The following HSPG2 variants were observed in gnomAD, a reference collection of about 807,000 sequenced individuals.
The protein encoded by HSPG2 is heparan sulfate proteoglycan 2, also known as basement membrane-specific heparan sulfate proteoglycan core protein.
Under a neutral mutation model 526.6 loss-of-function variants are expected in HSPG2, and 278 were observed. The ratio of observed to expected loss-of-function variants is 0.53; its 90% CI spans 0.48 to 0.58. The LOEUF is 0.58. Among genes scored for constraint, HSPG2 ranks in the 20% least tolerant of loss-of-function variants. The pLI is 0.00. For missense variants in HSPG2, 5,354 were observed against 6,099.5 expected, an observed-to-expected ratio of 0.88 and a Z score of 4.07; for synonymous variants, 2,465 against 2,555.4, an observed-to-expected ratio of 0.96 and a Z score of 1.07.
In HSPG2 at chr1:21,870,872, C is replaced by A. The variant is rs544570827; in HGVS notation, c.4221+1314G>T. On this transcript the variant is annotated intron_variant, in intron 33 of 96. Coordinates refer to ENST00000374695, the MANE Select transcript of HSPG2 (RefSeq NM_005529.7). Reference sequence around the variant, plus strand: ...CGCATCCGCGCAAAGTACGCCTCCCCCTGTGGGGCGCAGGGAAATGCCAGG... The same window carrying A: ...CGCATCCGCGCAAAGTACGCCTCCCACTGTGGGGCGCAGGGAAATGCCAGG... 63 of 986,376 alleles carry A rather than the reference C, an allele frequency of 6.4e-5. No homozygotes were observed. In the African/African-American group the frequency reaches 7.1e-4, roughly 11 times the overall value. The allele number at this position is 986,376 out of a possible 1,614,324, so 61.1% of individuals were successfully genotyped here.
In HSPG2 at chr1:21,864,518, AGT is replaced by A. The variant is rs374849420; in HGVS notation, c.4627-307_4627-306del. Among the ~76,000 whole-genome samples, 295 of 152,192 alleles carry A rather than the reference AGT, an allele frequency of 1.9e-3. No individual in the cohort carries two copies. Among genetic ancestry groups the A allele is most frequent in the African/African-American group, 6.7e-3 (279 of 41,520 alleles). On this transcript the variant is annotated intron_variant, in intron 36 of 96. Transcript: ENST00000374695. The surrounding 1 kb of genome is among the most constrained non-coding windows in gnomAD (Gnocchi z 4.8). ...ATGAACTGGGTTTTAACCCCCGGAG[AGT>A]GTGGCCCAAACGTGAGGCTGCACTG...
chr1:21,835,507 G>T, intron 76 of HSPG2, 33 bp downstream of exon 76: 2 of 1,418,530 alleles, frequency 1.4e-6, no homozygotes, highest in Non-Finnish European at 2.0e-6. Context: ...TCTGTTCCCT[G>T]CTCTTAGCAG....
chr1:21,863,648 G>A (rs138984487), intron 37 of HSPG2, among the ~76,000 whole-genome samples: 2,302 of 151,472 alleles, frequency 0.015, 50 homozygotes, highest in African/African-American at 0.052. Context: ...TCGGGAGGCT[G>A]AGGCATGAGA....
rs966911170 is a variant in HSPG2, at chr1:21,838,924, G to T, written c.10051C>A (p.His3351Asn). Residue 3351 changes from histidine (H) to asparagine (N), a missense_variant, in exon 74 of 97, where the codon CAC (histidine) becomes AAC (asparagine). Physicochemically the swap from His to Asn is moderately conservative, Grantham distance 68 (BLOSUM62 1). Coordinates refer to ENST00000374695, the MANE Select transcript of HSPG2 (RefSeq NM_005529.7). ...GRATARNELL[H>N]FERAAPEDSG... ...TCCTCAGGGGCTGCACGCTCAAAGT[G>T]CAGCAGCTCGTTCCTGGCGGTCGCC... 6.2e-7 allele frequency: 1 copy of T among 1,612,028 alleles called. No individual in the cohort carries two copies. The highest frequency in any genetic ancestry group is 1.3e-5 in the African/African-American group (1 of 74,906).
At chr1:21,829,300 C>T (rs1451218206) in intron 87 of HSPG2, 83 bp downstream of exon 87, 1 of 1,477,194 alleles carries the variant, frequency 6.8e-7, no homozygotes, top group African/African-American at 1.4e-5. Flanking sequence ...CATTTATCCT[C>T]CCATGCCTCC....
intron 1 of HSPG2, among the ~76,000 whole-genome samples, chr1:21,902,384 T>C (rs538672454): frequency 6.6e-6 from 1 of 152,032 alleles, no homozygotes; most frequent in Non-Finnish European, 1.5e-5. Flanking sequence ...CCAACACGCA[T>C]CCAGGGCTTC....
intron 1 of HSPG2, among the ~76,000 whole-genome samples, chr1:21,897,957 G>C (rs947837729): frequency 1.3e-5 from 2 of 152,178 alleles, no homozygotes; most frequent in Non-Finnish European, 2.9e-5. Context: ...TCTGGTTCTG[G>C]GCTCACAAGG....
rs1279336916 is a variant in HSPG2 at position 21,890,372 on chromosome 1, C to T, written c.413+55G>A. The T allele has an allele frequency of 3.2e-6, 5 of 1,547,686 alleles. No homozygotes were observed. In the East Asian group the frequency reaches 1.1e-4, roughly 35 times the overall value. On this transcript the variant is annotated intron_variant, in intron 5 of 96. Transcript: ENST00000374695. The surrounding 1 kb of genome is among the most constrained non-coding windows in gnomAD (Gnocchi z 4.1). ...GGCTTCCTTCCCATCCTCATCAGCC[C>T]CCTCCAGGTTACCCGCTCAAGTCCC...
intron 1 of HSPG2, among the ~76,000 whole-genome samples, chr1:21,931,255 C>T (rs1644340198): frequency 1.3e-5 from 2 of 152,270 alleles, no homozygotes; most frequent in African/African-American, 4.8e-5. Flanking sequence ...GCCCTGACGC[C>T]ACCAGGCTGG....
intron 1 of HSPG2, among the ~76,000 whole-genome samples, chr1:21,926,614 G>A (rs1323929461): frequency 6.6e-5 from 10 of 151,922 alleles, no homozygotes; most frequent in East Asian, 1.9e-4. Context: ...TTAGCCAGGC[G>A]TGGTAGTGCA....
intron 6 of HSPG2, 111 bp from the exon 7 acceptor site, chr1:21,888,177 C>T (rs1210475673): frequency 9.0e-6 from 13 of 1,447,778 alleles, no homozygotes; most frequent in African/African-American, 2.8e-5. Flanking sequence ...TCAGGCAGCT[C>T]GGTTTCTGGC....
intron 18 of HSPG2, 26 bp downstream of exon 18, chr1:21,878,968 C>T: frequency 3.7e-6 from 6 of 1,609,560 alleles, no homozygotes; most frequent in Non-Finnish European, 5.1e-6. Context: ...CAGCCAAACC[C>T]CCCCTGACCC....
chr1:21,861,418 C>T (rs185358741), intron 39 of HSPG2, among the ~76,000 whole-genome samples: 1 of 151,392 alleles, frequency 6.6e-6, no homozygotes, highest in African/African-American at 2.4e-5. Flanking sequence ...AGCACTGAGG[C>T]AGGAGGACTG....
In HSPG2 at chr1:21,874,710, G is replaced by C; in HGVS notation, c.3434C>G (p.Thr1145Arg). The change falls in exon 27 of 97, where the codon ACA becomes AGA. Residue 1145 changes from threonine (T) to arginine (R), a missense_variant. By Grantham distance (71) the Thr-to-Arg change is moderately conservative (BLOSUM62 -1). Transcript: ENST00000374695. ...PSCQDCDTGY[T>R]RTPSGLYLGT... ...CAGGTAGAGGCCACTGGGCGTGCGT[G>C]TGTAGCCTGTGTCACAGTCCTGGGG... 6.2e-7 allele frequency: 1 copy of C among 1,605,288 alleles called. No individual in the cohort carries two copies. The highest frequency in any genetic ancestry group is 8.5e-7 in the Non-Finnish European group (1 of 1,175,774).
At chr1:21,935,713 G>C (rs1644471163) in intron 1 of HSPG2, among the ~76,000 whole-genome samples, 1 of 152,240 alleles carries the variant, frequency 6.6e-6, no homozygotes, top group Admixed American at 6.5e-5. Flanking sequence ...GGGAAGGTCA[G>C]GAAAGACTGT....
At chr1:21,845,260 C>CA (rs1022673701) in intron 64 of HSPG2, among the ~76,000 whole-genome samples, 3 of 151,700 alleles carry the variant, frequency 2.0e-5, no homozygotes, top group Admixed American at 1.3e-4. Context: ...CAAAACAAAA[C>CA]AAAAAAAACC....
In HSPG2 at chr1:21,898,475, G is replaced by A. The variant is rs1642901434; in HGVS notation, c.64-2165C>T. 6.6e-6 allele frequency among the ~76,000 whole-genome samples: 1 copy of A among 152,214 alleles called. No homozygotes were observed. Among genetic ancestry groups the A allele is most frequent in the Non-Finnish European group, 1.5e-5 (1 of 68,044 alleles). Reference sequence around the variant, plus strand: ...TGCTTTAGAACGTCCAGGAGCTGGTGAGAAATGCAGATTCCTGGGCTCCTT... The same window carrying A: ...TGCTTTAGAACGTCCAGGAGCTGGTAAGAAATGCAGATTCCTGGGCTCCTT... On this transcript the variant is annotated intron_variant, in intron 1 of 96. Transcript: ENST00000374695. This position sits in a 1 kb window ranked among gnomAD's most constrained non-coding sequence, Gnocchi z 4.0.
Position 21,848,978 on chromosome 1 carries a change from C to T in HSPG2, c.7500G>A (p.Glu2500=), listed in dbSNP as rs1011352455. 1 of 1,614,088 alleles carries T rather than the reference C, an allele frequency of 6.2e-7. No homozygotes were observed. Among genetic ancestry groups the T allele is most frequent in the Non-Finnish European group, 8.5e-7 (1 of 1,180,024 alleles). The change falls in exon 58 of 97, where the codon GAG becomes GAA. Residue 2500 remains glutamate, a synonymous_variant. Transcript: ENST00000374695. This position sits in a 1 kb window ranked among gnomAD's most constrained non-coding sequence, Gnocchi z 4.9. ...AGCTGCCGACCACACGGCACACGTACTCCCCTGAATCAGCTGGGGTCACCT... is the reference window on the plus strand; with the variant it reads ...AGCTGCCGACCACACGGCACACGTATTCCCCTGAATCAGCTGGGGTCACCT... The part of the protein sequence containing the change: ...LLQVTPADSG[E]YVCRVVGSSG...
rs62642535 is a variant in HSPG2, at chr1:21,880,695, T to G, written c.1959A>C (p.Gln653His). 6.0e-4 allele frequency: 954 copies of G among 1,600,010 alleles called. 6 individuals carry two copies. The African/African-American group carries it at 0.011, about 18-fold the overall frequency. The change falls in exon 15 of 97, where the codon CAA (glutamine) becomes CAC (histidine). Residue 653 changes from glutamine (Q) to histidine (H), a missense_variant. By Grantham distance (24) the Gln-to-His change is conservative. Transcript: ENST00000374695. ...RLLSRGHTPT[Q>H]PGALNQRQVQ... ...CCTGGCGCTGGTTCAGAGCACCAGGTTGGGTGGGTGTGTGGCCTCGGGAGA... is the reference window on the plus strand; with the variant it reads ...CCTGGCGCTGGTTCAGAGCACCAGGGTGGGTGGGTGTGTGGCCTCGGGAGA...
Sources: allele counts gnomAD v4.1 joint callset (sites outside exome capture counted in the v4.1 genomes callset), GRCh38; gene constraint gnomAD v4.1.1; non-coding constraint Gnocchi (gnomAD v3.1); transcripts MANE v1.5; gene names NCBI Gene and HGNC (gene_info 2026-07-23, HGNC 2026-07-21).